RORA: variants seen among roughly 807,000 people sequenced by gnomAD.
The protein encoded by RORA is nuclear receptor ROR-alpha.
In RORA, 7 loss-of-function variants were observed where a neutral mutation model predicts 69.5. The observed-to-expected ratio is 0.10, with a 90% CI of 0.06 to 0.19. The LOEUF (loss-of-function observed/expected upper bound fraction) is 0.19, where lower values mean the gene tolerates loss of function less well. Among genes scored for constraint, RORA ranks in the 10% least tolerant of loss-of-function variants. The pLI is 1.00. For missense variants in RORA, 457 were observed against 663.0 expected (o/e 0.69, Z 3.41); for synonymous variants, 261 against 240.8 (o/e 1.08, Z -0.78).
chr15:60,644,488 G>C (rs2070001254), intron 2 of RORA, among the ~76,000 whole-genome samples: 1 of 152,174 alleles, frequency 6.6e-6, no homozygotes, highest in South Asian at 2.1e-4. Context: ...TTTTCAATTG[G>C]AATCTTTGAC....
intron 2 of RORA, among the ~76,000 whole-genome samples, chr15:60,599,969 A>T (rs987934151): frequency 1.3e-5 from 2 of 152,224 alleles, no homozygotes; most frequent in African/African-American, 4.8e-5. Flanking sequence ...CTGGAAATGG[A>T]TGTTATTTCA....
intron 1 of RORA, among the ~76,000 whole-genome samples, chr15:61,075,708 T>C (rs2078438465): frequency 6.6e-6 from 1 of 152,222 alleles, no homozygotes; most frequent in African/African-American, 2.4e-5. Flanking sequence ...TCAAAGCTAC[T>C]AGAGCAGAGC....
At chr15:60,964,528 A>G (rs996241372) in intron 1 of RORA, among the ~76,000 whole-genome samples, 1 of 152,170 alleles carries the variant, frequency 6.6e-6, no homozygotes, top group Non-Finnish European at 1.5e-5. Flanking sequence ...CTTTCCTTGT[A>G]GCCATATACC....
chr15:60,795,903 C>T (rs12440185), intron 1 of RORA, among the ~76,000 whole-genome samples: 5,820 of 152,320 alleles, frequency 0.038, 187 homozygotes, highest in Admixed American at 0.099. Context: ...CCTCATGCCT[C>T]GGTTTCTTCA....
At chr15:60,507,432 C>A (rs917215159) in intron 5 of RORA, among the ~76,000 whole-genome samples, 24 of 152,104 alleles carry the variant, frequency 1.6e-4, no homozygotes, top group African/African-American at 5.8e-4. Flanking sequence ...CTTAGAGACA[C>A]TGAAACATAA....
intron 1 of RORA, among the ~76,000 whole-genome samples, chr15:61,173,914 C>T (rs2079606228): frequency 6.6e-6 from 1 of 152,192 alleles, no homozygotes; most frequent in South Asian, 2.1e-4. Flanking sequence ...TTTTCAGATC[C>T]ATCTTCCAGA....
chr15:60,733,037 C>A (rs1024123219), intron 1 of RORA, among the ~76,000 whole-genome samples: 1 of 152,214 alleles, frequency 6.6e-6, no homozygotes, highest in Admixed American at 6.5e-5. Context: ...ACCTGCTCTG[C>A]GGCCGGCCCC....
chr15:60,978,283 T>A (rs531230328), intron 1 of RORA, among the ~76,000 whole-genome samples: 1 of 152,306 alleles, frequency 6.6e-6, no homozygotes, highest in East Asian at 1.9e-4. Context: ...TTCATGAACA[T>A]CTTTTTGCAG....
At chr15:60,558,057 A>G in intron 2 of RORA, 1 of 430,482 alleles carries the variant, frequency 2.3e-6, no homozygotes, top group South Asian at 6.9e-5. Flanking sequence ...TAGTAGTGCC[A>G]ATGACGAAAG....
intron 1 of RORA, among the ~76,000 whole-genome samples, chr15:60,878,788 G>A (rs1176272054): frequency 6.6e-6 from 1 of 152,208 alleles, no homozygotes; most frequent in African/African-American, 2.4e-5. Flanking sequence ...TATGTCTGAG[G>A]TAATGTCTTG....
At chr15:60,748,389 G>A (rs1399830251) in intron 1 of RORA, among the ~76,000 whole-genome samples, 1 of 151,302 alleles carries the variant, frequency 6.6e-6, no homozygotes, top group African/African-American at 2.4e-5. Flanking sequence ...GTTAACAAGG[G>A]AATGGGTCCA....
intron 2 of RORA, among the ~76,000 whole-genome samples, chr15:60,663,146 C>T (rs1256999389): frequency 6.6e-6 from 1 of 152,204 alleles, no homozygotes; most frequent in Non-Finnish European, 1.5e-5. Context: ...TCCAGCTTCC[C>T]TCACTCTCTA....
Position 60,830,881 on chromosome 15 carries a change from G to C in RORA, c.167-152195C>G, listed in dbSNP as rs1203552764. ...TGAGGGACCACACCTCAATTTAATG[G>C]AACAGAAATATTTTAGTTCTCTACA... On this transcript the variant is annotated intron_variant, in intron 1 of 10. Coordinates refer to ENST00000335670, the MANE Select transcript of RORA (RefSeq NM_134261.3). 2.0e-5 allele frequency among the ~76,000 whole-genome samples: 3 copies of C among 152,164 alleles called. No individual in the cohort carries two copies. In the East Asian group the frequency reaches 5.8e-4, roughly 29 times the overall value.
At chr15:60,704,219 T>C (rs944206609) in intron 1 of RORA, among the ~76,000 whole-genome samples, 1 of 152,186 alleles carries the variant, frequency 6.6e-6, no homozygotes, top group African/African-American at 2.4e-5. Context: ...TCTCCCGAGG[T>C]GTTTACATCT....
chr15:60,678,757 C>G, intron 1 of RORA, 71 bp from the exon 2 acceptor site: 1 of 1,322,896 alleles, frequency 7.6e-7, no homozygotes, highest in Non-Finnish European at 1.1e-6. Context: ...TCCGTCATTC[C>G]CAGTGTGCTC....
At chr15:60,844,515 A>G (rs1169294113) in intron 1 of RORA, among the ~76,000 whole-genome samples, 2 of 152,194 alleles carry the variant, frequency 1.3e-5, no homozygotes, top group African/African-American at 4.8e-5. Context: ...GCCACGAGCA[A>G]GCCTCCACGC....
At chr15:61,056,689 ATC>A (rs953675613) in intron 1 of RORA, among the ~76,000 whole-genome samples, 9 of 152,220 alleles carry the variant, frequency 5.9e-5, no homozygotes, top group African/African-American at 2.2e-4. Context: ...AATATGGGCA[ATC>A]TCTATTCTAG....
intron 1 of RORA, among the ~76,000 whole-genome samples, chr15:60,944,062 C>T (rs963174899): frequency 1.3e-4 from 20 of 151,968 alleles, no homozygotes; most frequent in Admixed American, 1.3e-3. Flanking sequence ...CGTCCATTAT[C>T]ATGACAGGAA....
chr15:60,597,821 C>T (rs967717140), intron 2 of RORA, among the ~76,000 whole-genome samples: 22 of 150,480 alleles, frequency 1.5e-4, no homozygotes, highest in Non-Finnish European at 2.5e-4. Flanking sequence ...GCAACGGGCC[C>T]CTACCACTCG....
Sources: gnomAD v4.1 joint callset for allele counts (sites outside exome capture counted in the v4.1 genomes callset) on GRCh38, gnomAD v4.1.1 for gene constraint, MANE v1.5 for transcripts, NCBI Gene and HGNC (gene_info 2026-07-23, HGNC 2026-07-21) for gene names.